Variants in YLPM1 observed in about 807,000 individuals in gnomAD.
The protein encoded by YLPM1 is YLP motif containing 1.
In YLPM1, 99 loss-of-function variants were observed where a neutral mutation model predicts 230.0. The ratio of observed to expected loss-of-function variants is 0.43; its 90% CI spans 0.37 to 0.51. The LOEUF is 0.51. Among genes scored for constraint, YLPM1 ranks in the 20% least tolerant of loss-of-function variants. The probability of loss-of-function intolerance (pLI) is 0.00; values close to 1 mark genes in which losing one functional copy is unlikely to be tolerated. For synonymous variants in YLPM1, 984 were observed against 942.5 expected, an observed-to-expected ratio of 1.04 and a Z score of -0.81; for missense variants, 2,592 against 2,707.7, an observed-to-expected ratio of 0.96 and a Z score of 0.95.
rs1220000257 is a variant in YLPM1 at position 74,837,298 on chromosome 14, TCTG to T, written c.*1564_*1566del. 1.3e-5 allele frequency: 2 copies of T among 152,222 alleles called. No individual in the cohort carries two copies. The highest frequency in any genetic ancestry group is 2.1e-4 in the South Asian group (1 of 4,834). 9.4% of individuals were successfully genotyped at this position (152,222 alleles called of 1,614,324 possible). ...GTATAAATTGCTACATTAAATAACT[TCTG>T]CTGTTTGTAGTATTTAATAAGCTAT... On this transcript the variant is annotated 3_prime_UTR_variant, in exon 21 of 21. Coordinates refer to ENST00000325680, the MANE Select transcript of YLPM1 (RefSeq NM_019589.3).
chr14:74,768,438 G>A (rs1429770196), intron 1 of YLPM1, among the ~76,000 whole-genome samples: 1 of 151,974 alleles, frequency 6.6e-6, no homozygotes, highest in Non-Finnish European at 1.5e-5. Flanking sequence ...ATAGAGATGG[G>A]GTTTCACCAT....
At chr14:74,807,977 G>A (rs1469931457) in intron 6 of YLPM1, among the ~76,000 whole-genome samples, 1 of 152,158 alleles carries the variant, frequency 6.6e-6, no homozygotes, top group Non-Finnish European at 1.5e-5. Flanking sequence ...TATTCATGGA[G>A]GGTTTTTTTA....
chr14:74,831,664 T>C (rs1013987781), intron 19 of YLPM1, among the ~76,000 whole-genome samples: 19 of 152,222 alleles, frequency 1.2e-4, no homozygotes, highest in Non-Finnish European at 8.8e-5. Context: ...CCCTGCCTTA[T>C]ACCTTGACTT....
intron 18 of YLPM1, chr14:74,827,695 T>G: frequency 1.0e-6 from 1 of 985,446 alleles, no homozygotes; most frequent in Non-Finnish European, 1.2e-6. Context: ...TTGAGGTTTA[T>G]CTAATAAGTG....
chr14:74,833,270 A>AG (rs2091621359), intron 19 of YLPM1, among the ~76,000 whole-genome samples: 1 of 152,138 alleles, frequency 6.6e-6, no homozygotes, highest in South Asian at 2.1e-4. Context: ...ATTATTATTG[A>AG]GGTAGGGTCT....
At chr14:74,822,257 A>G (rs1256203089) in intron 17 of YLPM1, 1 of 152,130 alleles carries the variant, frequency 6.6e-6, no homozygotes, top group Non-Finnish European at 1.5e-5. Context: ...TTCTTTAGCC[A>G]TTTGCAGCGT....
Position 74,785,061 on chromosome 14 carries a change from T to C in YLPM1, c.2282+2736T>C, listed in dbSNP as rs2091133726. Among the ~76,000 whole-genome samples the C allele has an allele frequency of 2.0e-5, 3 of 152,238 alleles. No homozygotes were observed. The South Asian group carries it at 6.2e-4, about 32-fold the overall frequency. On this transcript the variant is annotated intron_variant, in intron 4 of 20. Transcript: ENST00000325680. ...TTCAGCACTCTCACAGTGTTGACTCTTGTTGAACTTAACATCAATCTAGCT... is the reference window on the plus strand; with the variant it reads ...TTCAGCACTCTCACAGTGTTGACTCCTGTTGAACTTAACATCAATCTAGCT...
intron 4 of YLPM1, among the ~76,000 whole-genome samples, chr14:74,791,830 G>A (rs947592903): frequency 2.6e-5 from 4 of 152,134 alleles, no homozygotes; most frequent in African/African-American, 4.8e-5. Context: ...CTTCCAAAAT[G>A]TCAGTCATGG....
intron 1 of YLPM1, among the ~76,000 whole-genome samples, chr14:74,771,471 T>C (rs1008080220): frequency 5.3e-5 from 8 of 152,292 alleles, no homozygotes; most frequent in South Asian, 2.1e-4. Context: ...ATTGCAGTTT[T>C]TGCTATTACT....
At chr14:74,787,584 A>G (rs995224246) in intron 4 of YLPM1, among the ~76,000 whole-genome samples, 2 of 152,044 alleles carry the variant, frequency 1.3e-5, no homozygotes, top group African/African-American at 2.4e-5. Context: ...TCAAAAAAAA[A>G]AAAGAAACTA....
intron 18 of YLPM1, among the ~76,000 whole-genome samples, chr14:74,828,533 C>T (rs1336020470): frequency 1.3e-5 from 2 of 152,142 alleles, no homozygotes; most frequent in Non-Finnish European, 2.9e-5. Context: ...TGTTGGAAAG[C>T]CTAGCCCTCT....
At chr14:74,818,771 T>C (rs1007112851) in intron 16 of YLPM1, among the ~76,000 whole-genome samples, 3 of 152,226 alleles carry the variant, frequency 2.0e-5, no homozygotes, top group African/African-American at 4.8e-5. Context: ...TATAACGTGG[T>C]ATATAGAAAT....
rs1555368397 is a variant in YLPM1, at chr14:74,810,722, TA to T, written c.5228+303del. Among the ~76,000 whole-genome samples the T allele has an allele frequency of 1.3e-4, 9 of 67,628 alleles. No homozygotes were observed. The African/African-American group carries it at 1.7e-3, about 13-fold the overall frequency. 44.4% of individuals were successfully genotyped at this position (67,628 alleles called of 152,430 possible). A position where few individuals can be genotyped will look rare whatever the true frequency, so the allele number is the denominator to read the frequency against. On this transcript the variant is annotated intron_variant, in intron 9 of 20. Coordinates refer to ENST00000325680, the MANE Select transcript of YLPM1 (RefSeq NM_019589.3). ...TTTTGCAATTCATGAGCTTTTTATT[TA>T]TTATTATTATTATTATTATTATACC...
chr14:74,791,915 GATAAC>G (rs1347329383), intron 4 of YLPM1, among the ~76,000 whole-genome samples: 1 of 152,122 alleles, frequency 6.6e-6, no homozygotes, highest in Non-Finnish European at 1.5e-5. Context: ...TAGAATACTA[GATAAC>G]ATGTTAATAA....
intron 19 of YLPM1, 80 bp from the exon 20 acceptor site, chr14:74,835,185 C>T (rs2091634561): frequency 6.4e-7 from 1 of 1,552,700 alleles, no homozygotes. Context: ...CATTCTACCC[C>T]TTAGACTGTC....
intron 4 of YLPM1, 145 bp downstream of exon 4, chr14:74,782,470 G>A (rs1217146564): frequency 8.1e-6 from 8 of 988,742 alleles, no homozygotes; most frequent in South Asian, 2.9e-5. Flanking sequence ...AAGACATCAC[G>A]TATGTAATCT....
In YLPM1 at chr14:74,835,826, G is replaced by A. The variant is rs939146035; in HGVS notation, c.*88G>A. On this transcript the variant is annotated 3_prime_UTR_variant, in exon 21 of 21. Transcript: ENST00000325680. ...CCAAGGCCTCGCGGAGCTTCTTTGT[G>A]TGTCACCTTGCTTCCACGTTTCAGT... 6.1e-5 allele frequency: 28 copies of A among 456,762 alleles called. No individual in the cohort carries two copies. Among genetic ancestry groups the A allele is most frequent in the Non-Finnish European group, 5.3e-5 (12 of 227,142 alleles). 28.3% of individuals were successfully genotyped at this position (456,762 alleles called of 1,614,324 possible).
intron 16 of YLPM1, among the ~76,000 whole-genome samples, chr14:74,819,035 A>C (rs2091500619): frequency 6.6e-6 from 1 of 152,120 alleles, no homozygotes; most frequent in African/African-American, 2.4e-5. Context: ...ATTATTGGTG[A>C]TTTAAGCACT....
At chr14:74,804,018 G>C (rs2091353705) in intron 6 of YLPM1, among the ~76,000 whole-genome samples, 1 of 152,080 alleles carries the variant, frequency 6.6e-6, no homozygotes, top group Non-Finnish European at 1.5e-5. Flanking sequence ...TTAGCCGGGC[G>C]TGGTGGCGCA....
Sources: gnomAD v4.1 joint callset for allele counts (sites outside exome capture counted in the v4.1 genomes callset) on GRCh38, gnomAD v4.1.1 for gene constraint, MANE v1.5 for transcripts, NCBI Gene and HGNC (gene_info 2026-07-23, HGNC 2026-07-21) for gene names.